Variants in SUN1 observed in about 807,000 individuals in gnomAD.
The protein encoded by SUN1 is SUN domain-containing protein 1.
In SUN1, 61 loss-of-function variants were observed where a neutral mutation model predicts 103.2. The observed-to-expected ratio is 0.59, with a 90% CI of 0.48 to 0.73. The LOEUF is 0.73. SUN1 is among the 30% of genes least tolerant of loss of function. The probability of loss-of-function intolerance (pLI) is 0.00; values close to 1 mark genes in which losing one functional copy is unlikely to be tolerated. For missense variants in SUN1, 1,052 were observed against 1,034.6 expected, an observed-to-expected ratio of 1.02 and a Z score of -0.23; for synonymous variants, 490 against 425.7, an observed-to-expected ratio of 1.15 and a Z score of -1.86.
chr7:845,109 C>T (rs1490015454), intron 5 of SUN1, among the ~76,000 whole-genome samples: 3 of 152,244 alleles, frequency 2.0e-5, no homozygotes, highest in Middle Eastern at 6.8e-3. Context: ...GAGAAGCCAC[C>T]GAAACGTGCT....
At chr7:829,641 G>A (rs1162871230), upstream of SUN1, among the ~76,000 whole-genome samples, 4 of 148,882 alleles carry the variant, frequency 2.7e-5, no homozygotes, top group African/African-American at 5.0e-5. Flanking sequence ...TGCAAGCTCC[G>A]CTTCCCAGGT....
intron 1 of SUN1, chr7:817,433 G>A: frequency 3.3e-6 from 5 of 1,536,014 alleles, no homozygotes; most frequent in Non-Finnish European, 4.4e-6. Flanking sequence ...CAGCGGCGGG[G>A]AACACCTTGC....
intron 5 of SUN1, among the ~76,000 whole-genome samples, chr7:845,994 T>C (rs908887406): frequency 6.6e-6 from 1 of 152,246 alleles, no homozygotes; most frequent in East Asian, 1.9e-4. Flanking sequence ...TGTGCAGTTC[T>C]GGCTTTGTCT....
intron 16 of SUN1, chr7:869,055 C>T (rs567536239): frequency 2.8e-5 from 11 of 389,782 alleles, no homozygotes; most frequent in East Asian, 1.8e-4. Flanking sequence ...CATCTTGCCA[C>T]GACCAAGGAC....
At chr7:871,428 A>G (rs1169199192) in intron 17 of SUN1, among the ~76,000 whole-genome samples, 1 of 151,536 alleles carries the variant, frequency 6.6e-6, no homozygotes, top group Non-Finnish European at 1.5e-5. Flanking sequence ...TCGCTCTGTC[A>G]CCAGGCTGGA....
intron 1 of SUN1, chr7:816,756 G>C (rs887916555): frequency 6.8e-6 from 1 of 147,084 alleles, no homozygotes; most frequent in Non-Finnish European, 1.5e-5. Context: ...CCGGGGGCCG[G>C]GGGGACGCGG....
chr7:837,436 G>C (rs1562575359), intron 1 of SUN1, among the ~76,000 whole-genome samples: 2 of 152,152 alleles, frequency 1.3e-5, no homozygotes, highest in African/African-American at 4.8e-5. Context: ...TTCAATTGGA[G>C]TCAATTTTTT....
intron 17 of SUN1, 146 bp downstream of exon 17, chr7:869,662 A>T: frequency 2.0e-6 from 2 of 1,009,326 alleles, no homozygotes; most frequent in South Asian, 3.4e-5. Context: ...GGAACATTCC[A>T]GTGCTTTTCT....
chr7:866,655 C>G (rs1192256623), intron 16 of SUN1, among the ~76,000 whole-genome samples: 1 of 142,166 alleles, frequency 7.0e-6, no homozygotes, highest in African/African-American at 2.7e-5. Flanking sequence ...CACTGTCTCC[C>G]CACCATCTCC....
intron 1 of SUN1, among the ~76,000 whole-genome samples, chr7:820,505 T>A (rs1321200372): frequency 6.6e-6 from 1 of 152,242 alleles, no homozygotes. Flanking sequence ...AGATATGAGA[T>A]CATGTCATCT....
At chr7:820,076 G>A (rs1784582541) in intron 1 of SUN1, among the ~76,000 whole-genome samples, 1 of 152,114 alleles carries the variant, frequency 6.6e-6, no homozygotes, top group South Asian at 2.1e-4. Flanking sequence ...AGTTCCATAT[G>A]AATTTAAAGA....
chr7:872,443 C>T (rs763222554), intron 17 of SUN1, 27 bp from the exon 18 acceptor site: 1 of 1,565,150 alleles, frequency 6.4e-7, no homozygotes, highest in South Asian at 1.2e-5. Context: ...TCCATTCGTT[C>T]ATAATTGTGT....
chr7:843,784 C>T (rs937849024), intron 5 of SUN1: 19 of 1,419,528 alleles, frequency 1.3e-5, no homozygotes, highest in African/African-American at 2.9e-5. Context: ...TCTACGTAAG[C>T]GAAACTAATA....
At chr7:816,219 G>A, upstream of SUN1, 1 of 151,390 alleles carries the variant, frequency 6.6e-6, no homozygotes, top group Non-Finnish European at 1.2e-5. Context: ...TCCCCCAGGT[G>A]CAGACCCCTC....
upstream of SUN1, chr7:816,413 C>T (rs1204955045): frequency 5.0e-6 from 1 of 198,134 alleles, no homozygotes; most frequent in African/African-American, 2.5e-5. Flanking sequence ...CGTCCCACCC[C>T]GTGACGCATC....
rs1810523169 is a variant in SUN1, at chr7:842,030, C to G, written c.351C>G (p.Ser117Arg). The change falls in exon 3 of 19, where the codon AGC becomes AGG. Residue 117 changes from serine (S) to arginine (R), a missense_variant. This residue lies in a region of SUN1 where 846 missense variants were observed against 774.5 expected (regional missense o/e 1.09). Coordinates refer to ENST00000401592, the MANE Select transcript of SUN1 (RefSeq NM_001130965.3). Reference sequence around the variant, plus strand: ...GGCAGGTCACGTCCTCTGGCGTCAGCCACGGCGGCACTGTCAGCCTGCAGG... The same window carrying G: ...GGCAGGTCACGTCCTCTGGCGTCAGGCACGGCGGCACTGTCAGCCTGCAGG... ...VSRQVTSSGV[S>R]HGGTVSLQDA... The G allele has an allele frequency of 2.5e-6, 4 of 1,614,080 alleles. No individual in the cohort carries two copies. The East Asian group carries it at 8.9e-5, about 36-fold the overall frequency.
At position 873,815 on chromosome 7, in the gene SUN1, G is replaced by A. The variant is rs76074742; in HGVS notation, c.*484G>A. The A allele has an allele frequency of 7.7e-3, 1,188 of 153,606 alleles. 56 individuals carry two copies. The East Asian group carries it at 0.14, about 18-fold the overall frequency. 9.5% of individuals were successfully genotyped at this position (153,606 alleles called of 1,614,324 possible). Reference sequence around the variant, plus strand: ...GTTCTAAACTCCTTTCCTTCAAGCCGGAATTTTCCTTTTTTCAGCACCAGT... The same window carrying A: ...GTTCTAAACTCCTTTCCTTCAAGCCAGAATTTTCCTTTTTTCAGCACCAGT... On this transcript the variant is annotated 3_prime_UTR_variant, in exon 19 of 19. Coordinates refer to ENST00000401592, the MANE Select transcript of SUN1 (RefSeq NM_001130965.3).
intron 14 of SUN1, among the ~76,000 whole-genome samples, chr7:860,941 C>A (rs145301742): frequency 1.3e-5 from 2 of 152,090 alleles, no homozygotes; most frequent in African/African-American, 4.8e-5. Flanking sequence ...ACTCAGTTTC[C>A]CCCACCCGCT....
upstream of SUN1, among the ~76,000 whole-genome samples, chr7:829,993 A>C (rs1053718142): frequency 1.3e-5 from 2 of 152,210 alleles, no homozygotes; most frequent in Admixed American, 1.3e-4. Context: ...TTTTGACTTC[A>C]TTTTATTTTA....
Sources: gnomAD v4.1 joint callset for allele counts (sites outside exome capture counted in the v4.1 genomes callset) on GRCh38, gnomAD v4.1.1 for gene constraint, gnomAD v4.1.1 regional missense constraint, MANE v1.5 for transcripts, NCBI Gene and HGNC (gene_info 2026-07-23, HGNC 2026-07-21) for gene names.